Variants in GOLPH3L observed in about 807,000 individuals in gnomAD.
GOLPH3L encodes Golgi phosphoprotein 3-like.
In GOLPH3L, 22 loss-of-function variants were observed where a neutral mutation model predicts 30.3. The observed-to-expected ratio is 0.73, with a 90% CI of 0.52 to 1.04. The LOEUF (loss-of-function observed/expected upper bound fraction) is 1.04, where lower values mean the gene tolerates loss of function less well. GOLPH3L is among the 50% of genes least tolerant of loss of function. The probability of loss-of-function intolerance (pLI) is 0.00; values close to 1 mark genes in which losing one functional copy is unlikely to be tolerated. For missense variants in GOLPH3L, 303 were observed against 345.8 expected (o/e 0.88, Z 0.98); for synonymous variants, 120 against 128.2 (o/e 0.94, Z 0.43).
At position 150,648,565 on chromosome 1, in the gene GOLPH3L, T is replaced by C. The variant is rs371107154; in HGVS notation, c.614A>G (p.Asp205Gly). 6.2e-7 allele frequency: 1 copy of C among 1,613,992 alleles called. No individual in the cohort carries two copies. Among genetic ancestry groups the C allele is most frequent in the South Asian group, 1.1e-5 (1 of 91,078 alleles). ...ATTTACCCACCGCTCTAGTACACTA[T>C]CTTGAAGTTTTTTCACTAGTCGCTG... Reference protein sequence around the residue: ...EKQRLVKKLQDSVLERWVNDP... With the variant: ...EKQRLVKKLQGSVLERWVNDP... The change falls in exon 5 of 5, where the codon GAT becomes GGT. Residue 205 changes from aspartate to glycine, a missense_variant. Coordinates refer to ENST00000271732, the MANE Select transcript of GOLPH3L (RefSeq NM_018178.6).
intron 2 of GOLPH3L, among the ~76,000 whole-genome samples, chr1:150,692,912 T>G (rs1184990827): frequency 6.6e-6 from 1 of 152,252 alleles, no homozygotes; most frequent in Non-Finnish European, 1.5e-5. Flanking sequence ...CTTTTAGTTC[T>G]ATATCCTCTT....
At chr1:150,679,999 C>T (rs1006039300) in intron 2 of GOLPH3L, among the ~76,000 whole-genome samples, 2 of 152,002 alleles carry the variant, frequency 1.3e-5, no homozygotes, top group Admixed American at 6.6e-5. Flanking sequence ...AAATTTTTAT[C>T]GACTCCTAAT....
chr1:150,657,594 T>C (rs587709187), intron 4 of GOLPH3L, among the ~76,000 whole-genome samples: 1 of 152,368 alleles, frequency 6.6e-6, no homozygotes, highest in East Asian at 1.9e-4. Context: ...GAGAGTCTTC[T>C]GCCTGTGTTA....
At chr1:150,663,039 A>ATTT (rs11432766) in intron 3 of GOLPH3L, among the ~76,000 whole-genome samples, 1 of 147,744 alleles carries the variant, frequency 6.8e-6, no homozygotes, top group Admixed American at 6.7e-5. Context: ...CTATTTCGTA[A>ATTT]TTTTTTTTTT....
intron 2 of GOLPH3L, among the ~76,000 whole-genome samples, chr1:150,673,211 C>G (rs1571046166): frequency 6.6e-6 from 1 of 152,078 alleles, no homozygotes; most frequent in East Asian, 1.9e-4. Flanking sequence ...CCTCTGTCAC[C>G]TAGGCTGGAG....
intron 2 of GOLPH3L, among the ~76,000 whole-genome samples, chr1:150,677,132 G>A (rs1326645152): frequency 6.9e-6 from 1 of 145,230 alleles, no homozygotes; most frequent in African/African-American, 2.6e-5. Flanking sequence ...GTGCAGTGGC[G>A]CGATCTTGGC....
intron 2 of GOLPH3L, among the ~76,000 whole-genome samples, chr1:150,675,320 T>C (rs1650748194): frequency 6.6e-6 from 1 of 151,926 alleles, no homozygotes; most frequent in Non-Finnish European, 1.5e-5. Flanking sequence ...ATATACACAT[T>C]GTAGAAAATT....
intron 3 of GOLPH3L, 113 bp from the exon 4 acceptor site, chr1:150,662,041 C>T (rs908556543): frequency 4.3e-5 from 29 of 670,200 alleles, no homozygotes; most frequent in Admixed American, 8.9e-5. Flanking sequence ...TGTAAGGAAG[C>T]ATAATATACT....
At chr1:150,688,565 A>G (rs1440538648) in intron 2 of GOLPH3L, among the ~76,000 whole-genome samples, 1 of 152,174 alleles carries the variant, frequency 6.6e-6, no homozygotes, top group African/African-American at 2.4e-5. Flanking sequence ...CAGCCTGGCC[A>G]ACATGGTGAA....
intron 4 of GOLPH3L, among the ~76,000 whole-genome samples, chr1:150,654,832 A>G (rs1334825800): frequency 6.6e-6 from 1 of 152,254 alleles, no homozygotes; most frequent in Non-Finnish European, 1.5e-5. Flanking sequence ...AAAGGTCCCA[A>G]CAGGAGTCTG....
At chr1:150,656,516 C>G (rs1571035491) in intron 4 of GOLPH3L, among the ~76,000 whole-genome samples, 1 of 152,116 alleles carries the variant, frequency 6.6e-6, no homozygotes, top group Admixed American at 6.6e-5. Context: ...AAAGCTAAAA[C>G]AAATAGAATA....
chr1:150,648,982 T>C (rs965570290), intron 4 of GOLPH3L, among the ~76,000 whole-genome samples: 1 of 152,210 alleles, frequency 6.6e-6, no homozygotes, highest in East Asian at 1.9e-4. Flanking sequence ...ATAGACTTTA[T>C]TTCTGTTCTT....
intron 2 of GOLPH3L, among the ~76,000 whole-genome samples, chr1:150,678,890 G>A (rs587726530): frequency 1.9e-4 from 29 of 152,312 alleles, no homozygotes; most frequent in Admixed American, 1.6e-3. Context: ...GGCAGAGGTT[G>A]CAGTGAGCCG....
At chr1:150,683,775 A>G (rs1432833179) in intron 2 of GOLPH3L, among the ~76,000 whole-genome samples, 2 of 151,182 alleles carry the variant, frequency 1.3e-5, no homozygotes, top group Non-Finnish European at 2.9e-5. Context: ...AGCTGGAGAA[A>G]AAAAATCACA....
chr1:150,671,056 A>G (rs994902609), intron 2 of GOLPH3L, among the ~76,000 whole-genome samples: 3 of 152,044 alleles, frequency 2.0e-5, no homozygotes, highest in Non-Finnish European at 2.9e-5. Context: ...CCTGGCCAAC[A>G]TGGTGAAACC....
intron 2 of GOLPH3L, among the ~76,000 whole-genome samples, chr1:150,683,699 CAAAAAAAAAAAAAAAAA>C (rs397981524): frequency 0.015 from 218 of 14,978 alleles, 8 homozygotes; most frequent in African/African-American, 0.04. Context: ...GACTCTCTCT[CAAAAAAAAAAAAAAAAA>C]AAAAAAAAAA....
chr1:150,691,379 G>C (rs957415988), intron 2 of GOLPH3L, among the ~76,000 whole-genome samples: 5 of 152,002 alleles, frequency 3.3e-5, no homozygotes, highest in Non-Finnish European at 7.4e-5. Flanking sequence ...AGCCAGGCAT[G>C]GTGGCGGGTG....
intron 2 of GOLPH3L, among the ~76,000 whole-genome samples, chr1:150,667,671 G>A (rs980736691): frequency 1.4e-5 from 2 of 147,330 alleles, no homozygotes; most frequent in Admixed American, 1.4e-4. Context: ...TCGGCTGACT[G>A]TAAGCTCCAC....
At chr1:150,678,436 A>G (rs1431418086) in intron 2 of GOLPH3L, among the ~76,000 whole-genome samples, 1 of 152,080 alleles carries the variant, frequency 6.6e-6, no homozygotes, top group African/African-American at 2.4e-5. Context: ...TGAAAGATAC[A>G]AGTTAATATC....
Sources: allele counts gnomAD v4.1 joint callset (sites outside exome capture counted in the v4.1 genomes callset), GRCh38; gene constraint gnomAD v4.1.1; transcripts MANE v1.5; gene names NCBI Gene and HGNC (gene_info 2026-07-23, HGNC 2026-07-21).